DISC1: variants seen among roughly 807,000 people sequenced by gnomAD.
The protein encoded by DISC1 is DISC1 scaffold protein.
DISC1 carries 57 observed loss-of-function variants against 84.5 expected under a neutral mutation model. The observed-to-expected ratio is 0.67, with a 90% confidence interval of 0.55 to 0.84. The LOEUF is 0.84. Ranked by LOEUF, DISC1 falls within the 40% of genes least tolerant of loss-of-function variation. The probability of loss-of-function intolerance (pLI) is 0.00; values close to 1 mark genes in which losing one functional copy is unlikely to be tolerated. For missense variants in DISC1, 1,000 were observed against 1,057.8 expected (o/e 0.95, Z 0.76); for synonymous variants, 411 against 415.2 (o/e 0.99, Z 0.12).
In DISC1 at chr1:231,750,062, T is replaced by TG. The variant is rs1326225847; in HGVS notation, c.1258dup (p.Ala420GlyfsTer9). ...CACAAGTCCAGGCTGCCTTGCGCCG[T>TG]GGGGCCACTCAGCAGTGAGTACTTG... On this transcript the variant is annotated frameshift_variant, in exon 4 of 13. Coordinates refer to ENST00000439617, the MANE Select transcript of DISC1 (RefSeq NM_018662.3). LOFTEE classifies it high-confidence loss of function. 1 of 1,614,036 alleles carries TG rather than the reference T, an allele frequency of 6.2e-7. No individual in the cohort carries two copies. Among genetic ancestry groups the TG allele is most frequent in the Middle Eastern group, 1.7e-4 (1 of 6,044 alleles).
rs190248438 is a variant in DISC1, at chr1:231,748,262, C to A, written c.1118-1664C>A. Among the ~76,000 whole-genome samples the A allele has an allele frequency of 3.2e-4, 49 of 152,306 alleles. 2 individuals carry two copies. The highest frequency in any genetic ancestry group is 1.5e-5 in the Non-Finnish European group (1 of 68,030). On this transcript the variant is annotated intron_variant, in intron 3 of 12. Transcript: ENST00000439617. ...TATCTAATTGCTCTGGATAGGACTTCCAGTGCTATGTTGAATAAGACTGGT... is the reference window on the plus strand; with the variant it reads ...TATCTAATTGCTCTGGATAGGACTTACAGTGCTATGTTGAATAAGACTGGT...
rs1428263394 is a variant in DISC1 at position 231,698,175 on chromosome 1, G to A, written c.1047+3370G>A. On this transcript the variant is annotated intron_variant, in intron 2 of 12. Transcript: ENST00000439617. The surrounding 1 kb of genome is among the most constrained non-coding windows in gnomAD (Gnocchi z 4.9). ...CATGTGTTGACCGATGGAGGAAGGT[G>A]TTGTGACCAGGGGTTCACAGGAACC... Among the ~76,000 whole-genome samples the A allele has an allele frequency of 6.6e-6, 1 of 152,192 alleles. No homozygotes were observed. Among genetic ancestry groups the A allele is most frequent in the African/African-American group, 2.4e-5 (1 of 41,444 alleles).
At chr1:231,683,102 A>G (rs957890305) in intron 1 of DISC1, among the ~76,000 whole-genome samples, 1 of 152,256 alleles carries the variant, frequency 6.6e-6, no homozygotes, top group Non-Finnish European at 1.5e-5. Context: ...AATTTTAAAT[A>G]TAGACCATAC....
chr1:231,776,226 A>T (rs1345575003), intron 6 of DISC1, among the ~76,000 whole-genome samples: 1 of 152,152 alleles, frequency 6.6e-6, no homozygotes, highest in African/African-American at 2.4e-5. Context: ...AATCACAGTG[A>T]TGACGTGGAG....
At chr1:231,979,344 T>A (rs145249908) in intron 10 of DISC1, among the ~76,000 whole-genome samples, 79 of 152,040 alleles carry the variant, frequency 5.2e-4, no homozygotes, top group African/African-American at 1.7e-3. Flanking sequence ...TGTGGAAAAA[T>A]AATCTTTTAT....
intron 10 of DISC1, among the ~76,000 whole-genome samples, chr1:231,974,998 G>T (rs1457309565): frequency 6.6e-6 from 1 of 152,112 alleles, no homozygotes; most frequent in Non-Finnish European, 1.5e-5. Context: ...TACTCGGGAG[G>T]CTGAGACAGG....
At chr1:231,679,643 T>C (rs1372241455) in intron 1 of DISC1, among the ~76,000 whole-genome samples, 1 of 152,242 alleles carries the variant, frequency 6.6e-6, no homozygotes, top group South Asian at 2.1e-4. Context: ...AAGATGATTC[T>C]GTAATGGAGA....
intron 11 of DISC1, among the ~76,000 whole-genome samples, chr1:232,016,170 C>T (rs1366346363): frequency 6.6e-6 from 1 of 152,156 alleles, no homozygotes; most frequent in African/African-American, 2.4e-5. Context: ...CTATGGTAGT[C>T]TTAATAGTTG....
chr1:231,736,897 A>T (rs2072581972), intron 3 of DISC1, among the ~76,000 whole-genome samples: 1 of 152,262 alleles, frequency 6.6e-6, no homozygotes, highest in African/African-American at 2.4e-5. Context: ...ACAACAAGGA[A>T]GTGGGAATCG....
intron 9 of DISC1, among the ~76,000 whole-genome samples, chr1:231,863,209 T>C (rs2084797286): frequency 6.8e-6 from 1 of 146,726 alleles, no homozygotes; most frequent in Admixed American, 7.0e-5. Context: ...TGACATAGTT[T>C]ATAAAATGTT....
intron 9 of DISC1, among the ~76,000 whole-genome samples, chr1:231,895,347 A>G (rs2087600689): frequency 6.6e-6 from 1 of 151,704 alleles, no homozygotes; most frequent in African/African-American, 2.4e-5. Context: ...TTTTATATGT[A>G]TACTGTCACT....
intron 9 of DISC1, among the ~76,000 whole-genome samples, chr1:231,843,788 T>G (rs979944027): frequency 5.3e-5 from 8 of 152,038 alleles, no homozygotes; most frequent in Admixed American, 2.6e-4. Flanking sequence ...TTGGAAGAGA[T>G]TGTATGTCTC....
intron 3 of DISC1, among the ~76,000 whole-genome samples, chr1:231,739,559 C>G (rs2072977213): frequency 6.6e-6 from 1 of 152,208 alleles, no homozygotes; most frequent in African/African-American, 2.4e-5. Flanking sequence ...AATGGGGCCG[C>G]TCACTGCCAC....
intron 2 of DISC1, among the ~76,000 whole-genome samples, chr1:231,695,958 T>G (rs1000994431): frequency 6.6e-6 from 1 of 152,202 alleles, no homozygotes; most frequent in Non-Finnish European, 1.5e-5. Context: ...AGAGCACAGA[T>G]GCAGGCTTGT....
intron 9 of DISC1, among the ~76,000 whole-genome samples, chr1:231,881,891 T>C (rs1340140177): frequency 6.6e-6 from 1 of 152,192 alleles, no homozygotes; most frequent in Non-Finnish European, 1.5e-5. Flanking sequence ...CAGCTAGCCC[T>C]TACAACAGCC....
chr1:231,816,512 AT>A (rs544852312), intron 8 of DISC1, among the ~76,000 whole-genome samples: 520 of 148,362 alleles, frequency 3.5e-3, no homozygotes, highest in African/African-American at 9.8e-3. Flanking sequence ...TCAAATATTC[AT>A]TTTTTTTTTG....
At chr1:231,960,474 A>G (rs1660239859) in intron 10 of DISC1, among the ~76,000 whole-genome samples, 1 of 152,098 alleles carries the variant, frequency 6.6e-6, no homozygotes, top group Admixed American at 6.6e-5. Context: ...GCTGGTCACA[A>G]ACTCCTGACC....
intron 12 of DISC1, among the ~76,000 whole-genome samples, chr1:232,028,516 A>T (rs1669690086): frequency 6.6e-6 from 1 of 152,212 alleles, no homozygotes; most frequent in Non-Finnish European, 1.5e-5. Flanking sequence ...TCCACAGCTG[A>T]TCCAAGCCAG....
intron 9 of DISC1, among the ~76,000 whole-genome samples, chr1:231,823,272 T>C (rs2081627958): frequency 6.6e-6 from 1 of 152,224 alleles, no homozygotes; most frequent in Admixed American, 6.5e-5. Context: ...ATAAAATCTA[T>C]GGGTCTCTTT....
Sources: allele counts gnomAD v4.1 joint callset (sites outside exome capture counted in the v4.1 genomes callset), GRCh38; gene constraint gnomAD v4.1.1; non-coding constraint Gnocchi (gnomAD v3.1); transcripts MANE v1.5; gene names NCBI Gene and HGNC (gene_info 2026-07-23, HGNC 2026-07-21).